The following ZDHHC14 variants were observed in gnomAD, a reference collection of about 807,000 sequenced individuals.
ZDHHC14 encodes the protein zDHHC palmitoyltransferase 14, also known as palmitoyltransferase ZDHHC14.
ZDHHC14 carries 16 observed loss-of-function variants against 47.7 expected under a neutral mutation model. The ratio of observed to expected loss-of-function variants is 0.34; its 90% confidence interval spans 0.23 to 0.51. ZDHHC14 has a LOEUF of 0.51. Ranked by LOEUF, ZDHHC14 falls within the 20% of genes least tolerant of loss-of-function variation. The pLI is 0.97. For missense variants in ZDHHC14, 515 were observed against 662.5 expected, an observed-to-expected ratio of 0.78 and a Z score of 2.44; for synonymous variants, 293 against 278.9, an observed-to-expected ratio of 1.05 and a Z score of -0.50.
intron 1 of ZDHHC14, among the ~76,000 whole-genome samples, chr6:157,431,099 G>C (rs754587264): frequency 1.7e-4 from 26 of 152,204 alleles, no homozygotes; most frequent in Non-Finnish European, 2.4e-4. Context: ...AAGGTGAAAG[G>C]AACGTGAGTG....
intron 1 of ZDHHC14, among the ~76,000 whole-genome samples, chr6:157,504,351 G>A (rs924450416): frequency 3.3e-5 from 5 of 151,482 alleles, no homozygotes; most frequent in African/African-American, 1.2e-4. Context: ...TAGTAGAGAC[G>A]GGGTTTTACC....
chr6:157,640,024 G>A (rs1777171960), intron 5 of ZDHHC14, among the ~76,000 whole-genome samples: 1 of 152,180 alleles, frequency 6.6e-6, no homozygotes, highest in South Asian at 2.1e-4. Context: ...CCTGTCAGGT[G>A]CCTGTCCGGG....
chr6:157,575,754 T>G (rs1289605488), intron 2 of ZDHHC14, among the ~76,000 whole-genome samples: 2 of 152,224 alleles, frequency 1.3e-5, no homozygotes, highest in Non-Finnish European at 2.9e-5. Flanking sequence ...CAGCAATGCA[T>G]TTTGTTGTGT....
chr6:157,661,885 G>A (rs574443759), intron 8 of ZDHHC14, among the ~76,000 whole-genome samples: 5 of 151,450 alleles, frequency 3.3e-5, no homozygotes, highest in Admixed American at 6.6e-5. Flanking sequence ...GTGCAGTGGT[G>A]CAATCTTAGC....
At chr6:157,589,343 A>G (rs1208639888) in intron 2 of ZDHHC14, among the ~76,000 whole-genome samples, 2 of 152,202 alleles carry the variant, frequency 1.3e-5, no homozygotes, top group African/African-American at 4.8e-5. Flanking sequence ...AGATCTGGGC[A>G]GGGATACAAA....
At chr6:157,583,979 G>A (rs1448685456) in intron 2 of ZDHHC14, among the ~76,000 whole-genome samples, 1 of 139,716 alleles carries the variant, frequency 7.2e-6, no homozygotes, top group East Asian at 2.6e-4. Context: ...TGAGCAGGGT[G>A]GGTGGGTGGG....
At chr6:157,653,446 C>A in intron 7 of ZDHHC14, 79 bp from the exon 8 acceptor site, 5 of 1,486,194 alleles carry the variant, frequency 3.4e-6, no homozygotes, top group Non-Finnish European at 3.7e-6. Flanking sequence ...GGAGCCCCGA[C>A]GCGGAACCTG....
chr6:157,459,700 A>G (rs1002330127), intron 1 of ZDHHC14, among the ~76,000 whole-genome samples: 3 of 152,236 alleles, frequency 2.0e-5, no homozygotes, highest in African/African-American at 7.2e-5. Context: ...GTGCAGGGGT[A>G]GATGGGGGGA....
intron 3 of ZDHHC14, among the ~76,000 whole-genome samples, chr6:157,593,813 C>T (rs1784012379): frequency 6.6e-6 from 1 of 152,240 alleles, no homozygotes; most frequent in African/African-American, 2.4e-5. Context: ...CCTGTTGTCA[C>T]TGCAGACTGA....
At chr6:157,541,087 G>C (rs1781744964) in intron 1 of ZDHHC14, among the ~76,000 whole-genome samples, 1 of 151,926 alleles carries the variant, frequency 6.6e-6, no homozygotes. Flanking sequence ...TTCACCTCTT[G>C]CTAATACTTG....
At chr6:157,531,501 G>T (rs1294552046) in intron 1 of ZDHHC14, among the ~76,000 whole-genome samples, 1 of 151,278 alleles carries the variant, frequency 6.6e-6, no homozygotes, top group Admixed American at 6.6e-5. Context: ...AACACCCCCC[G>T]CTCCGGCCCA....
chr6:157,558,337 T>C (rs1782563715), intron 2 of ZDHHC14, among the ~76,000 whole-genome samples: 1 of 152,198 alleles, frequency 6.6e-6, no homozygotes, highest in Non-Finnish European at 1.5e-5. Flanking sequence ...CCTGGTATTC[T>C]GATGGTTCAT....
chr6:157,528,813 T>G (rs931402787), intron 1 of ZDHHC14, among the ~76,000 whole-genome samples: 2 of 149,014 alleles, frequency 1.3e-5, no homozygotes, highest in African/African-American at 5.0e-5. Context: ...CATTAATTAA[T>G]TAATTAAAAA....
intron 1 of ZDHHC14, among the ~76,000 whole-genome samples, chr6:157,479,737 T>G (rs1244946840): frequency 1.3e-5 from 2 of 152,204 alleles, no homozygotes. Flanking sequence ...ACTCGATATG[T>G]ATGAAGTAGA....
At chr6:157,395,923 T>C (rs931844271) in intron 1 of ZDHHC14, among the ~76,000 whole-genome samples, 7 of 152,208 alleles carry the variant, frequency 4.6e-5, no homozygotes, top group African/African-American at 1.7e-4. Context: ...GCCTTTCTAT[T>C]TTTCTCATAA....
chr6:157,584,679 C>T (rs981330027), intron 2 of ZDHHC14, among the ~76,000 whole-genome samples: 5 of 152,162 alleles, frequency 3.3e-5, no homozygotes, highest in South Asian at 2.1e-4. Context: ...CAATTGTCAA[C>T]GGGCAGCTTC....
chr6:157,643,664 T>C (rs1338634440), intron 5 of ZDHHC14, among the ~76,000 whole-genome samples: 1 of 128,912 alleles, frequency 7.8e-6, no homozygotes, highest in Non-Finnish European at 1.7e-5. Context: ...TATATATATA[T>C]ATATATATAT....
rs1778864518 is a variant in ZDHHC14 at position 157,672,851 on chromosome 6, C to T, written c.1196C>T (p.Thr399Met). 4.3e-6 allele frequency: 7 copies of T among 1,609,790 alleles called. No homozygotes were observed. The highest frequency in any genetic ancestry group is 5.1e-6 in the Non-Finnish European group (6 of 1,178,840). ...LHLPGKPGLG[T>M]PCASLTLGPP... Reference sequence around the variant, plus strand: ...CTGCCCGGGAAGCCTGGCCTGGGCACGCCCTGCGCCAGCCTCACACTGGGC... The same window carrying T: ...CTGCCCGGGAAGCCTGGCCTGGGCATGCCCTGCGCCAGCCTCACACTGGGC... The change falls in exon 9 of 9, where the codon ACG (threonine) becomes ATG (methionine). Residue 399 changes from threonine (T) to methionine (M), a missense_variant. By Grantham distance (81) the Thr-to-Met change is moderately conservative. This residue lies in a region of ZDHHC14 where 221 missense variants were observed against 233.6 expected (regional missense o/e 0.95). Coordinates refer to ENST00000359775, the MANE Select transcript of ZDHHC14 (RefSeq NM_024630.3).
At chr6:157,626,895 G>GT (rs1409623730) in intron 3 of ZDHHC14, among the ~76,000 whole-genome samples, 1 of 149,950 alleles carries the variant, frequency 6.7e-6, no homozygotes, top group Non-Finnish European at 1.5e-5. Flanking sequence ...CCAGCTGGGG[G>GT]GGGGGCGGCG....
Sources: gnomAD v4.1 joint callset for allele counts (sites outside exome capture counted in the v4.1 genomes callset) on GRCh38, gnomAD v4.1.1 for gene constraint, gnomAD v4.1.1 regional missense constraint, MANE v1.5 for transcripts, NCBI Gene and HGNC (gene_info 2026-07-23, HGNC 2026-07-21) for gene names.